The following KCNIP4 variants were observed in gnomAD, a reference collection of about 807,000 sequenced individuals.
The protein encoded by KCNIP4 is Kv channel-interacting protein 4.
A neutral mutation model predicts 34.0 loss-of-function variants in KCNIP4; 12 were observed. That is an observed-to-expected ratio of 0.35 (90% CI 0.23 to 0.57). The LOEUF (loss-of-function observed/expected upper bound fraction) is 0.57, where lower values mean the gene tolerates loss of function less well. KCNIP4 is among the 20% of genes least tolerant of loss of function. The probability of loss-of-function intolerance (pLI) is 0.83; values close to 1 mark genes in which losing one functional copy is unlikely to be tolerated. For synonymous variants in KCNIP4, 124 were observed against 102.2 expected, an observed-to-expected ratio of 1.21 and a Z score of -1.29; for missense variants, 238 against 311.7, an observed-to-expected ratio of 0.76 and a Z score of 1.78.
intron 1 of KCNIP4, among the ~76,000 whole-genome samples, chr4:21,179,892 C>T (rs1345775339): frequency 6.6e-6 from 1 of 152,086 alleles, no homozygotes; most frequent in African/African-American, 2.4e-5. Flanking sequence ...CATAAGCTAC[C>T]TCCTTCCACT....
At position 21,333,111 on chromosome 4, in the gene KCNIP4, G is replaced by A. The variant is rs142036904; in HGVS notation, c.62-450402C>T. ...ATTATCTGGTCATGCTCTTGAAATA[G>A]ATGTCCCTTCAATCCCACAGAAACA... On this transcript the variant is annotated intron_variant, in intron 1 of 8. Coordinates refer to ENST00000382152, the MANE Select transcript of KCNIP4 (RefSeq NM_025221.6). Among the ~76,000 whole-genome samples, 779 of 152,010 alleles carry A rather than the reference G, an allele frequency of 5.1e-3. 3 individuals are homozygous for A. Among genetic ancestry groups the A allele is most frequent in the African/African-American group, 0.018 (749 of 41,510 alleles).
chr4:21,416,600 C>T (rs887516798), intron 1 of KCNIP4, among the ~76,000 whole-genome samples: 1 of 151,980 alleles, frequency 6.6e-6, no homozygotes, highest in African/African-American at 2.4e-5. Context: ...AAGACAGGAA[C>T]GAAAGGAAAA....
intron 1 of KCNIP4, among the ~76,000 whole-genome samples, chr4:21,578,372 C>T (rs1387896634): frequency 7.0e-6 from 1 of 142,628 alleles, no homozygotes; most frequent in Non-Finnish European, 1.5e-5. Flanking sequence ...TTCATGCTAG[C>T]TAAATGTGAA....
chr4:21,617,340 C>A (rs1238230009), intron 1 of KCNIP4, among the ~76,000 whole-genome samples: 1 of 152,108 alleles, frequency 6.6e-6, no homozygotes, highest in Non-Finnish European at 1.5e-5. Context: ...GTCATTGTTT[C>A]AGAAAAGAAT....
intron 1 of KCNIP4, chr4:21,303,927 G>T: frequency 1.2e-6 from 2 of 1,612,704 alleles, no homozygotes; most frequent in Non-Finnish European, 1.7e-6. Flanking sequence ...GTCATGGTCC[G>T]ACCACAGCCA....
chr4:20,837,713 C>T (rs561297822), intron 3 of KCNIP4, among the ~76,000 whole-genome samples: 21 of 142,656 alleles, frequency 1.5e-4, no homozygotes, highest in African/African-American at 2.9e-4. Context: ...GATGGAGTCT[C>T]GCTCTGTCAC....
At chr4:20,882,547 A>C in intron 2 of KCNIP4, 61 bp downstream of exon 2, 7 of 1,112,414 alleles carry the variant, frequency 6.3e-6, no homozygotes, top group Non-Finnish European at 9.4e-6. Flanking sequence ...CAATGCATGC[A>C]GGCCTAAAGA....
intron 1 of KCNIP4, among the ~76,000 whole-genome samples, chr4:21,282,337 C>A (rs1174175014): frequency 6.6e-6 from 1 of 151,982 alleles, no homozygotes; most frequent in African/African-American, 2.4e-5. Context: ...GAGATAACTA[C>A]AAATATAAAT....
intron 1 of KCNIP4, among the ~76,000 whole-genome samples, chr4:21,596,867 G>A (rs1409367004): frequency 6.6e-6 from 1 of 152,030 alleles, no homozygotes; most frequent in Non-Finnish European, 1.5e-5. Context: ...GAAATGGAGA[G>A]GAACTGAGTT....
At chr4:21,392,899 C>A (rs1026432270) in intron 1 of KCNIP4, among the ~76,000 whole-genome samples, 1 of 152,164 alleles carries the variant, frequency 6.6e-6, no homozygotes, top group Non-Finnish European at 1.5e-5. Flanking sequence ...TCATATCTCC[C>A]TTAAAATGAC....
chr4:21,786,525 G>A (rs200852951), intron 1 of KCNIP4, among the ~76,000 whole-genome samples: 3 of 146,782 alleles, frequency 2.0e-5, no homozygotes, highest in African/African-American at 7.4e-5. Flanking sequence ...TTATTTATAT[G>A]TTATTTGTCT....
chr4:21,893,979 A>G (rs1727244037), intron 1 of KCNIP4, among the ~76,000 whole-genome samples: 1 of 152,030 alleles, frequency 6.6e-6, no homozygotes, highest in Admixed American at 6.6e-5. Flanking sequence ...CTACACTTTT[A>G]TCATATATAT....
intron 3 of KCNIP4, among the ~76,000 whole-genome samples, chr4:20,829,973 C>T (rs1271122513): frequency 6.6e-6 from 1 of 152,054 alleles, no homozygotes; most frequent in African/African-American, 2.4e-5. Flanking sequence ...TAAGAGACAT[C>T]CTAACTCTCC....
chr4:21,125,480 G>A (rs1750543630), intron 1 of KCNIP4, among the ~76,000 whole-genome samples: 1 of 152,068 alleles, frequency 6.6e-6, no homozygotes, highest in South Asian at 2.1e-4. Flanking sequence ...CTTCCAAAGT[G>A]TTGGGATTCC....
At chr4:21,434,816 G>A (rs866232690) in intron 1 of KCNIP4, among the ~76,000 whole-genome samples, 25 of 149,512 alleles carry the variant, frequency 1.7e-4, no homozygotes, top group Admixed American at 4.7e-4. Flanking sequence ...CCCCGGTGGC[G>A]AAAAGGTTGG....
intron 1 of KCNIP4, among the ~76,000 whole-genome samples, chr4:21,297,190 C>T (rs1229111174): frequency 6.6e-6 from 1 of 150,632 alleles, no homozygotes; most frequent in African/African-American, 2.4e-5. Context: ...AGTTTTAAAC[C>T]CAACCCAATC....
intron 1 of KCNIP4, among the ~76,000 whole-genome samples, chr4:21,940,499 C>T (rs1259306482): frequency 6.6e-6 from 1 of 152,166 alleles, no homozygotes; most frequent in East Asian, 1.9e-4. Context: ...ATCAATGCCT[C>T]ATGCATATTC....
chr4:20,826,026 C>A (rs1361218411), intron 3 of KCNIP4, among the ~76,000 whole-genome samples: 1 of 149,658 alleles, frequency 6.7e-6, no homozygotes, highest in Non-Finnish European at 1.5e-5. Flanking sequence ...CCCTCTTATT[C>A]AGAACAGGTT....
chr4:20,884,286 G>A (rs779387897), intron 1 of KCNIP4, among the ~76,000 whole-genome samples: 16 of 152,090 alleles, frequency 1.1e-4, no homozygotes, highest in Non-Finnish European at 1.0e-4. Flanking sequence ...GTATACATGT[G>A]CCCTGGTGGT....
Sources: gnomAD v4.1 joint callset for allele counts (sites outside exome capture counted in the v4.1 genomes callset) on GRCh38, gnomAD v4.1.1 for gene constraint, MANE v1.5 for transcripts, NCBI Gene and HGNC (gene_info 2026-07-23, HGNC 2026-07-21) for gene names.